The following NUMB variants were observed in gnomAD, a reference collection of about 807,000 sequenced individuals.
NUMB encodes the protein protein numb homolog.
NUMB carries 29 observed loss-of-function variants against 59.7 expected under a neutral mutation model. That is an observed-to-expected ratio of 0.49 (90% CI 0.36 to 0.66). The LOEUF (loss-of-function observed/expected upper bound fraction) is 0.66. Among genes scored for constraint, NUMB ranks in the 30% least tolerant of loss-of-function variants. NUMB has a pLI of 0.00. For synonymous variants in NUMB, 288 were observed against 288.2 expected (o/e 1.00, Z 0.01); for missense variants, 723 against 822.0 (o/e 0.88, Z 1.47).
intron 3 of NUMB, among the ~76,000 whole-genome samples, chr14:73,363,766 T>C (rs971474972): frequency 3.3e-5 from 5 of 151,976 alleles, no homozygotes; most frequent in Admixed American, 6.6e-5. Flanking sequence ...TTGGGCAACA[T>C]AGCAAGACCT....
chr14:73,285,673 C>A (rs992942357), intron 9 of NUMB: 1 of 151,906 alleles, frequency 6.6e-6, no homozygotes, highest in African/African-American at 2.4e-5. Flanking sequence ...CACCTGTAAT[C>A]CCAGCACTTT....
At chr14:73,330,051 T>C (rs1232183746) in intron 4 of NUMB, among the ~76,000 whole-genome samples, 1 of 152,208 alleles carries the variant, frequency 6.6e-6, no homozygotes, top group African/African-American at 2.4e-5. Context: ...TATTTTCTTT[T>C]CTTTTGAGAC....
intron 1 of NUMB, among the ~76,000 whole-genome samples, chr14:73,426,569 C>T (rs920589775): frequency 1.3e-5 from 2 of 151,926 alleles, no homozygotes; most frequent in African/African-American, 4.8e-5. Flanking sequence ...TAGCCAGGGC[C>T]GGGCGCGGTG....
At chr14:73,362,087 T>A (rs1165159479) in intron 3 of NUMB, among the ~76,000 whole-genome samples, 2 of 151,882 alleles carry the variant, frequency 1.3e-5, no homozygotes, top group African/African-American at 4.8e-5. Context: ...CAAAATCCCA[T>A]CTTTACAAAA....
At chr14:73,333,325 C>T (rs4539535) in intron 4 of NUMB, among the ~76,000 whole-genome samples, 37,976 of 152,078 alleles carry the variant, frequency 0.25, 5,580 homozygotes, top group East Asian at 0.67. Context: ...TTGCATTTCG[C>T]TGATAATGAT....
intron 1 of NUMB, among the ~76,000 whole-genome samples, chr14:73,421,656 G>A (rs1418032850): frequency 1.3e-5 from 2 of 151,956 alleles, no homozygotes; most frequent in Admixed American, 6.6e-5. Flanking sequence ...ATACCATAAG[G>A]GGCAATGCCA....
chr14:73,414,194 T>C (rs1897022470), intron 1 of NUMB, among the ~76,000 whole-genome samples: 1 of 152,024 alleles, frequency 6.6e-6, no homozygotes, highest in African/African-American at 2.4e-5. Flanking sequence ...TGACCTCAAG[T>C]GATTACCCAC....
intron 2 of NUMB, among the ~76,000 whole-genome samples, chr14:73,370,679 T>A (rs1010292254): frequency 1.3e-5 from 2 of 150,178 alleles, no homozygotes; most frequent in African/African-American, 4.9e-5. Context: ...GTAACAAGAG[T>A]GAAACTCCGC....
At chr14:73,444,398 C>CA (rs568526693) in intron 1 of NUMB, among the ~76,000 whole-genome samples, 3,482 of 70,732 alleles carry the variant, frequency 0.049, 143 homozygotes, top group South Asian at 0.23. Flanking sequence ...GACTCCATCT[C>CA]AAAAAAAAAA....
intron 8 of NUMB, among the ~76,000 whole-genome samples, chr14:73,290,143 T>C (rs1167310260): frequency 6.6e-6 from 1 of 152,226 alleles, no homozygotes; most frequent in Admixed American, 6.5e-5. Flanking sequence ...TAAGTTATTA[T>C]CTGGAAACTC....
rs115392313 is a variant in NUMB, at chr14:73,355,069, A to G, written c.126+557T>C. On this transcript the variant is annotated intron_variant, in intron 4 of 12. Transcript: ENST00000555238. ...AAATATGACCTGTCTCAGGCAATAC[A>G]AAGAAAAGCACCTGTACATCACTGC... Among the ~76,000 whole-genome samples, 854 of 152,266 alleles carry G rather than the reference A, an allele frequency of 5.6e-3. 9 individuals are homozygous for G. The highest frequency in any genetic ancestry group is 0.019 in the African/African-American group (804 of 41,558).
intron 4 of NUMB, among the ~76,000 whole-genome samples, chr14:73,337,412 G>C (rs1184973377): frequency 6.6e-6 from 1 of 152,196 alleles, no homozygotes; most frequent in Admixed American, 6.5e-5. Flanking sequence ...TGAGGCATGA[G>C]AATTGCTTGA....
At chr14:73,417,214 G>A (rs1335465374) in intron 1 of NUMB, among the ~76,000 whole-genome samples, 1 of 151,954 alleles carries the variant, frequency 6.6e-6, no homozygotes, top group Non-Finnish European at 1.5e-5. Context: ...ATCCTTCCTG[G>A]ATGCCAGACA....
chr14:73,287,655 G>C (rs537934091), intron 8 of NUMB, among the ~76,000 whole-genome samples: 1 of 152,286 alleles, frequency 6.6e-6, no homozygotes, highest in African/African-American at 2.4e-5. Context: ...TGGGATTACA[G>C]GCATGAGCCA....
intron 4 of NUMB, among the ~76,000 whole-genome samples, chr14:73,328,403 C>T (rs1243954855): frequency 6.6e-6 from 1 of 151,964 alleles, no homozygotes; most frequent in African/African-American, 2.4e-5. Flanking sequence ...TTGGTTATTT[C>T]CGGTTTTGGT....
chr14:73,390,892 G>A (rs1401087882), intron 2 of NUMB, among the ~76,000 whole-genome samples: 2 of 151,432 alleles, frequency 1.3e-5, no homozygotes, highest in Non-Finnish European at 1.5e-5. Context: ...CAGGTGATCC[G>A]CCCACCTTGG....
chr14:73,330,241 G>A (rs935714609), intron 4 of NUMB, among the ~76,000 whole-genome samples: 2 of 151,806 alleles, frequency 1.3e-5, no homozygotes, highest in Admixed American at 6.6e-5. Context: ...TGTGTTGCCC[G>A]GGCTGGTCTC....
intron 11 of NUMB, among the ~76,000 whole-genome samples, chr14:73,280,043 G>C (rs1888503474): frequency 2.0e-5 from 3 of 152,124 alleles, no homozygotes; most frequent in Admixed American, 1.3e-4. Context: ...TGTAAACCTA[G>C]CTACTAGGGA....
chr14:73,300,914 T>C (rs909628446), intron 6 of NUMB, among the ~76,000 whole-genome samples: 1 of 152,268 alleles, frequency 6.6e-6, no homozygotes, highest in African/African-American at 2.4e-5. Flanking sequence ...GAGATGACTA[T>C]TAAAACTGAT....
Sources: gnomAD v4.1 joint callset for allele counts (sites outside exome capture counted in the v4.1 genomes callset) on GRCh38, gnomAD v4.1.1 for gene constraint, MANE v1.5 for transcripts, NCBI Gene and HGNC (gene_info 2026-07-23, HGNC 2026-07-21) for gene names.